The following SPATA13 variants were observed in gnomAD, a reference collection of about 807,000 sequenced individuals.
SPATA13 encodes spermatogenesis-associated protein 13.
SPATA13 carries 50 observed loss-of-function variants against 104.0 expected under a neutral mutation model. That is an observed-to-expected ratio of 0.48 (90% CI 0.38 to 0.61). The LOEUF (loss-of-function observed/expected upper bound fraction) is 0.61. SPATA13 is among the 20% of genes least tolerant of loss of function. The pLI, the probability that SPATA13 is intolerant of heterozygous loss-of-function variation, is 0.00. For missense variants in SPATA13, 1,524 were observed against 1,690.6 expected (o/e 0.90, Z 1.73); for synonymous variants, 606 against 667.5 (o/e 0.91, Z 1.42).
chr13:24,243,574 C>T (rs1351807244), intron 2 of SPATA13, among the ~76,000 whole-genome samples: 1 of 152,172 alleles, frequency 6.6e-6, no homozygotes, highest in Non-Finnish European at 1.5e-5. Flanking sequence ...CAAATCATTT[C>T]ATTTATTTTA....
At chr13:24,296,443 T>C (rs1011636291) in intron 10 of SPATA13, among the ~76,000 whole-genome samples, 8 of 152,196 alleles carry the variant, frequency 5.3e-5, no homozygotes, top group Non-Finnish European at 1.0e-4. Context: ...TAAAAGTGTG[T>C]TTTTCTTTTT....
chr13:24,127,264 G>C (rs1175448805), intron 3 of SPATA13, among the ~76,000 whole-genome samples: 1 of 152,178 alleles, frequency 6.6e-6, no homozygotes, highest in Non-Finnish European at 1.5e-5. Context: ...AGCTCTGAGG[G>C]GGTGGGAGTA....
At chr13:24,189,818 T>C (rs1447230816) in intron 1 of SPATA13, among the ~76,000 whole-genome samples, 1 of 60,302 alleles carries the variant, frequency 1.7e-5, no homozygotes, top group African/African-American at 5.9e-5. Flanking sequence ...TAATATATTA[T>C]AAATATATAT....
At chr13:24,098,061 A>G (rs1329222392) in intron 3 of SPATA13, among the ~76,000 whole-genome samples, 1 of 152,220 alleles carries the variant, frequency 6.6e-6, no homozygotes, top group Non-Finnish European at 1.5e-5. Flanking sequence ...AAATGGCCCT[A>G]GAAGGCTATT....
chr13:24,162,766 G>T (rs959361033), intron 1 of SPATA13, among the ~76,000 whole-genome samples: 2 of 152,184 alleles, frequency 1.3e-5, no homozygotes, highest in African/African-American at 4.8e-5. Flanking sequence ...GAAAAGGAAG[G>T]CTCAGAGGAG....
intron 1 of SPATA13, among the ~76,000 whole-genome samples, chr13:24,173,634 T>G (rs1253396626): frequency 1.3e-5 from 2 of 152,104 alleles, no homozygotes; most frequent in African/African-American, 4.8e-5. Flanking sequence ...TCCCTTCTAT[T>G]CCTGTCTCTC....
intron 1 of SPATA13, among the ~76,000 whole-genome samples, chr13:24,179,842 T>G (rs568970981): frequency 1.3e-5 from 2 of 152,340 alleles, no homozygotes; most frequent in South Asian, 4.1e-4. Context: ...TCTTTGCTCA[T>G]TTTTTAATTG....
At chr13:23,992,701 G>A (rs1278008244) in intron 2 of SPATA13, among the ~76,000 whole-genome samples, 1 of 152,130 alleles carries the variant, frequency 6.6e-6, no homozygotes, top group Non-Finnish European at 1.5e-5. Flanking sequence ...GCTTGAAAGG[G>A]GCCCTGCAGG....
rs535010314 is a variant in SPATA13, at chr13:24,301,425, G to C, written c.3658+950G>C. Reference sequence around the variant, plus strand: ...CCACTAAGTTACAAATATCTTTAAGGCAGAAAAACCCATGTTATTAATTTT... The same window carrying C: ...CCACTAAGTTACAAATATCTTTAAGCCAGAAAAACCCATGTTATTAATTTT... On this transcript the variant is annotated intron_variant, in intron 12 of 12. Transcript: ENST00000382108. 2.6e-5 allele frequency among the ~76,000 whole-genome samples: 4 copies of C among 152,282 alleles called. No homozygotes were observed. The East Asian group carries it at 7.7e-4, about 29-fold the overall frequency.
chr13:24,006,669 G>A (rs541120088), intron 2 of SPATA13, among the ~76,000 whole-genome samples: 4 of 152,302 alleles, frequency 2.6e-5, no homozygotes, highest in South Asian at 4.1e-4. Flanking sequence ...GGGCCTGCAC[G>A]GCTATGGTCC....
chr13:24,224,731 T>A, intron 2 of SPATA13, 149 bp downstream of exon 2: 1 of 797,398 alleles, frequency 1.3e-6, no homozygotes, highest in Non-Finnish European at 2.1e-6. Context: ...ATGGGAGTTG[T>A]CAAGTTGCTG....
intron 3 of SPATA13, among the ~76,000 whole-genome samples, chr13:24,046,348 A>G (rs9580847): frequency 0.47 from 69,686 of 147,454 alleles, 17,180 homozygotes; most frequent in African/African-American, 0.6. Flanking sequence ...GCTGGAGTGC[A>G]GTGGTGTGAT....
chr13:24,133,541 A>G (rs930751248), intron 3 of SPATA13, among the ~76,000 whole-genome samples: 6 of 152,078 alleles, frequency 3.9e-5, no homozygotes, highest in Admixed American at 2.6e-4. Flanking sequence ...AAGATGAGGG[A>G]AAAAAAGCAA....
At chr13:24,246,399 G>A (rs1873130973) in intron 2 of SPATA13, among the ~76,000 whole-genome samples, 1 of 151,906 alleles carries the variant, frequency 6.6e-6, no homozygotes, top group Non-Finnish European at 1.5e-5. Context: ...GTGTTGGGGA[G>A]GAAAAAAACG....
intron 1 of SPATA13, among the ~76,000 whole-genome samples, chr13:24,188,550 G>A (rs2760362): frequency 0.86 from 130,763 of 151,892 alleles, 56,647 homozygotes; most frequent in Non-Finnish European, 0.91. Context: ...GGTGAAGAAA[G>A]GTTTGAAGCT....
chr13:24,021,196 A>G (rs1876958611), intron 3 of SPATA13, among the ~76,000 whole-genome samples: 1 of 152,246 alleles, frequency 6.6e-6, no homozygotes. Context: ...GGCCTCTAAG[A>G]AGGGCTGGAG....
At chr13:24,277,171 G>A (rs932751183) in intron 4 of SPATA13, among the ~76,000 whole-genome samples, 12 of 151,950 alleles carry the variant, frequency 7.9e-5, no homozygotes, top group South Asian at 4.2e-4. Context: ...TGGGCCGGGC[G>A]CGGTGGCTTA....
chr13:24,215,736 G>A (rs986900704), intron 1 of SPATA13, among the ~76,000 whole-genome samples: 1 of 152,158 alleles, frequency 6.6e-6, no homozygotes, highest in Non-Finnish European at 1.5e-5. Flanking sequence ...GACTTAGCCT[G>A]TGAACTCAGT....
chr13:24,026,799 G>A (rs936904786), intron 3 of SPATA13, among the ~76,000 whole-genome samples: 4 of 150,190 alleles, frequency 2.7e-5, no homozygotes, highest in Non-Finnish European at 5.9e-5. Flanking sequence ...GGATGGTCTG[G>A]ATCTCCTGAC....
Sources: allele counts gnomAD v4.1 joint callset (sites outside exome capture counted in the v4.1 genomes callset), GRCh38; gene constraint gnomAD v4.1.1; transcripts MANE v1.5; gene names NCBI Gene and HGNC (gene_info 2026-07-23, HGNC 2026-07-21).